EIF3B: variants seen among roughly 807,000 people sequenced by gnomAD.
EIF3B encodes eukaryotic translation initiation factor 3 subunit 9.
In EIF3B, 10 loss-of-function variants were observed where a neutral mutation model predicts 104.6. The ratio of observed to expected loss-of-function variants is 0.10; its 90% CI spans 0.06 to 0.16. The LOEUF (loss-of-function observed/expected upper bound fraction) is 0.16, where lower values mean the gene tolerates loss of function less well. Ranked by LOEUF, EIF3B falls within the 10% of genes least tolerant of loss-of-function variation. The pLI is 1.00. For missense variants in EIF3B, 1,014 were observed against 1,087.9 expected (o/e 0.93, Z 0.96); for synonymous variants, 542 against 417.2 (o/e 1.30, Z -3.65).
In EIF3B at chr7:2,355,298, A is replaced by C. The variant is rs918339689; in HGVS notation, c.377A>C (p.Glu126Ala). 1.9e-6 allele frequency: 3 copies of C among 1,538,686 alleles called. No individual in the cohort carries two copies. Among genetic ancestry groups the C allele is most frequent in the Non-Finnish European group, 2.6e-6 (3 of 1,149,718 alleles). The change falls in exon 1 of 19, where the codon GAG becomes GCG. Residue 126 changes from glutamate (E) to alanine (A), a missense_variant. Physicochemically the swap from Glu to Ala is moderately radical, Grantham distance 107. Coordinates refer to ENST00000360876, the MANE Select transcript of EIF3B (RefSeq NM_001037283.2). Reference protein sequence around the residue: ...RSDSRAQAVSEDAGGNEGRAA... With the variant: ...RSDSRAQAVSADAGGNEGRAA... ...GACAGCCGGGCCCAGGCGGTGTCCG[A>C]GGACGCGGGAGGAAACGAGGGCAGA...
chr7:2,375,851 A>C, intron 14 of EIF3B: 1 of 300,784 alleles, frequency 3.3e-6, no homozygotes, highest in East Asian at 5.9e-5. Flanking sequence ...ATAACCGCAG[A>C]CATTAAGATC....
chr7:2,378,989 A>C, intron 16 of EIF3B, 145 bp from the exon 17 acceptor site: 1 of 783,898 alleles, frequency 1.3e-6, no homozygotes, highest in South Asian at 1.8e-5. Context: ...GCGTTGGGGG[A>C]AAAGTGAGAA....
At chr7:2,366,028 A>T (rs374005701) in intron 6 of EIF3B, among the ~76,000 whole-genome samples, 2 of 152,132 alleles carry the variant, frequency 1.3e-5, no homozygotes, top group Non-Finnish European at 2.9e-5. Context: ...ATGGGTAAAG[A>T]TAGAGTTCCA....
chr7:2,360,751 G>A lies in EIF3B; in HGVS notation c.541G>A (p.Asp181Asn), dbSNP rs1179766787. 5.6e-6 allele frequency: 9 copies of A among 1,600,266 alleles called. No individual in the cohort carries two copies. Among genetic ancestry groups the A allele is most frequent in the Non-Finnish European group, 7.7e-6 (9 of 1,168,378 alleles). Residue 181 changes from aspartate (D) to asparagine (N), a missense_variant, in exon 2 of 19, where the codon GAT becomes AAT. Physicochemically the swap from Asp to Asn is conservative, Grantham distance 23. This residue lies in a region of EIF3B where 488 missense variants were observed against 404.3 expected (regional missense o/e 1.21). Coordinates refer to ENST00000360876, the MANE Select transcript of EIF3B (RefSeq NM_001037283.2). Reference protein sequence around the residue: ...DVLKDRPQEADGIDSVIVVDN... With the variant: ...DVLKDRPQEANGIDSVIVVDN... ...ACTCAAAGATCGGCCCCAGGAAGCA[G>A]ATGGAATCGATTCGGTGATTGTAGT...
intron 10 of EIF3B, among the ~76,000 whole-genome samples, chr7:2,370,007 C>T (rs1408681667): frequency 6.6e-6 from 1 of 151,988 alleles, no homozygotes; most frequent in East Asian, 1.9e-4. Context: ...GAACTCCTGA[C>T]CTTAGGTGAT....
intron 16 of EIF3B, 82 bp downstream of exon 16, chr7:2,378,848 A>G (rs1298239191): frequency 7.2e-6 from 9 of 1,256,578 alleles, no homozygotes; most frequent in Non-Finnish European, 1.1e-6. Context: ...GCTGCTGTGT[A>G]TGTGCTCAGA....
At chr7:2,378,592 T>A in intron 15 of EIF3B, 97 bp from the exon 16 acceptor site, 1 of 1,052,428 alleles carries the variant, frequency 9.5e-7, no homozygotes, top group Non-Finnish European at 1.4e-6. Context: ...GTTCTGTGAA[T>A]GGCTTTGGGT....
At position 2,360,876 on chromosome 7, in the gene EIF3B, T is replaced by C; in HGVS notation, c.666T>C (p.Tyr222=). ...SKFGKITNDF[Y]PEEDGKTKGY... is the part of the protein sequence containing the mutation. ...TTGGGAAAATCACAAATGATTTTTA[T>C]CCTGAAGAGGATGGGAAGACAAAAG... The change falls in exon 2 of 19, where the codon TAT becomes TAC. Residue 222 remains tyrosine, a synonymous_variant. Transcript: ENST00000360876. 2 of 1,613,386 alleles carry C rather than the reference T, an allele frequency of 1.2e-6. No individual in the cohort carries two copies. The highest frequency in any genetic ancestry group is 1.7e-6 in the Non-Finnish European group (2 of 1,179,382).
At position 2,355,046 on chromosome 7, in the gene EIF3B, C is replaced by A; in HGVS notation, c.125C>A (p.Ala42Asp). The A allele has an allele frequency of 8.3e-7, 1 of 1,212,008 alleles. No individual in the cohort carries two copies. Among genetic ancestry groups the A allele is most frequent in the Admixed American group, 4.4e-5 (1 of 22,748 alleles). The allele number at this position is 1,212,008 out of a possible 1,614,324, so 75.1% of individuals were successfully genotyped here. A position where few individuals can be genotyped will look rare whatever the true frequency, so the allele number is the denominator to read the frequency against. Residue 42 changes from alanine (A) to aspartate (D), a missense_variant, in exon 1 of 19, where the codon GCT (alanine) becomes GAT (aspartate). Coordinates refer to ENST00000360876, the MANE Select transcript of EIF3B (RefSeq NM_001037283.2). Reference protein sequence around the residue: ...EGLLRPAGPGAPEAAGTEASS... With the variant: ...EGLLRPAGPGDPEAAGTEASS... ...CTGCTGCGGCCCGCGGGGCCCGGCG[C>A]TCCGGAGGCCGCGGGGACCGAGGCC...
At position 2,378,784 on chromosome 7, in the gene EIF3B, A is replaced by C. The variant is rs1014435769; in HGVS notation, c.2232+18A>C. 5 of 1,607,802 alleles carry C rather than the reference A, an allele frequency of 3.1e-6. No homozygotes were observed. Among genetic ancestry groups the C allele is most frequent in the Middle Eastern group, 1.7e-4 (1 of 6,056 alleles). ...CCTCAAAGGTGAGCCTCATTCCCAA[A>C]ATGAGGGCTGTGCTGTGACATCCGC... On this transcript the variant is annotated intron_variant, in intron 16 of 18. Coordinates refer to ENST00000360876, the MANE Select transcript of EIF3B (RefSeq NM_001037283.2).
At chr7:2,377,413 A>G (rs1187844127) in intron 15 of EIF3B, among the ~76,000 whole-genome samples, 1 of 152,262 alleles carries the variant, frequency 6.6e-6, no homozygotes, top group Non-Finnish European at 1.5e-5. Context: ...GTCTTAGGTC[A>G]GAGCAAAGAG....
intron 1 of EIF3B, among the ~76,000 whole-genome samples, chr7:2,356,109 T>C (rs1309864027): frequency 6.6e-6 from 1 of 152,332 alleles, no homozygotes; most frequent in African/African-American, 2.4e-5. Context: ...TGAAGCTACT[T>C]CTGATGAGAG....
Position 2,380,292 on chromosome 7 carries a change from G to A in EIF3B, c.*103G>A, listed in dbSNP as rs770050773. ...CCTCTGTTGCAGCGCAGCCGTGTGT[G>A]CTGTGGAGCCGAGGCCGTCCTGCAG... On this transcript the variant is annotated 3_prime_UTR_variant, in exon 19 of 19. Transcript: ENST00000360876. 2 of 513,888 alleles carry A rather than the reference G, an allele frequency of 3.9e-6. No homozygotes were observed. The highest frequency in any genetic ancestry group is 2.8e-5 in the South Asian group (2 of 70,678). 31.8% of individuals were successfully genotyped at this position (513,888 alleles called of 1,614,324 possible).
In EIF3B at chr7:2,380,198, A is replaced by G. The variant is rs933660526; in HGVS notation, c.*15-6A>G. 5.6e-6 allele frequency: 2 copies of G among 354,384 alleles called. No homozygotes were observed. The highest frequency in any genetic ancestry group is 2.1e-5 in the African/African-American group (1 of 46,534). 22.0% of individuals were successfully genotyped at this position (354,384 alleles called of 1,614,324 possible). A position where few individuals can be genotyped will look rare whatever the true frequency, so the allele number is the denominator to read the frequency against. On this transcript the variant is annotated splice_polypyrimidine_tract_variant and splice_region_variant and intron_variant, in intron 18 of 18. Transcript: ENST00000360876. The stretch of plus-strand genomic sequence containing the variant: ...CCGTTTAGGGCCGCCATGCCTGTCT[A>G]TCCAGGGGACGGACTCCGCCTGCTG...
intron 1 of EIF3B, among the ~76,000 whole-genome samples, chr7:2,358,112 T>C (rs78054193): frequency 6.6e-6 from 1 of 152,192 alleles, no homozygotes; most frequent in Non-Finnish European, 1.5e-5. Context: ...TTTTTTTTTT[T>C]GAGACAGAGT....
In EIF3B at chr7:2,355,405, G is replaced by A. The variant is rs1350032706; in HGVS notation, c.484G>A (p.Asp162Asn). Residue 162 changes from aspartate (D) to asparagine (N), a missense_variant, in exon 1 of 19, where the codon GAC becomes AAC. Physicochemically the swap from Asp to Asn is conservative, Grantham distance 23. This residue lies in a region of EIF3B where 488 missense variants were observed against 404.3 expected (regional missense o/e 1.21). Coordinates refer to ENST00000360876, the MANE Select transcript of EIF3B (RefSeq NM_001037283.2). ...CAGCGACCCCGAGGACTTCGTGGAC[G>A]ACGTGAGCGAGGAAGGTGAGGGCGC... ...SFSDPEDFVD[D>N]VSEEELLGDV... The A allele has an allele frequency of 2.9e-5, 43 of 1,475,656 alleles. No homozygotes were observed. The highest frequency in any genetic ancestry group is 5.8e-5 in the African/African-American group (4 of 69,388). The allele number at this position is 1,475,656 out of a possible 1,614,324, so 91.4% of individuals were successfully genotyped here.
chr7:2,368,546 A>G (rs919087945), intron 9 of EIF3B, among the ~76,000 whole-genome samples: 1 of 152,248 alleles, frequency 6.6e-6, no homozygotes, highest in Admixed American at 6.5e-5. Flanking sequence ...GCACCACTTC[A>G]GTGACCCCTT....
chr7:2,355,615 T>C (rs1336135860), intron 1 of EIF3B, among the ~76,000 whole-genome samples, 195 bp downstream of exon 1: 1 of 151,724 alleles, frequency 6.6e-6, no homozygotes, highest in Non-Finnish European at 1.5e-5. Flanking sequence ...CGCCTCCCCT[T>C]TTCTTTCCTG....
At position 2,366,831 on chromosome 7, in the gene EIF3B, G is replaced by A. The variant is rs1015555732; in HGVS notation, c.1357-168G>A. On this transcript the variant is annotated intron_variant, in intron 8 of 18. Transcript: ENST00000360876. ...AGTTAATGCAGTGGGCTTCAGAACT[G>A]CAGTTCTGGGTGGCGGGTGGGTGGA... 6 of 830,780 alleles carry A rather than the reference G, an allele frequency of 7.2e-6. No individual in the cohort carries two copies. In the African/African-American group the frequency reaches 1.0e-4, roughly 14 times the overall value. The allele number at this position is 830,780 out of a possible 1,614,324, so 51.5% of individuals were successfully genotyped here. A position where few individuals can be genotyped will look rare whatever the true frequency, so the allele number is the denominator to read the frequency against.
Sources: gnomAD v4.1 joint callset for allele counts (sites outside exome capture counted in the v4.1 genomes callset) on GRCh38, gnomAD v4.1.1 for gene constraint, gnomAD v4.1.1 regional missense constraint, MANE v1.5 for transcripts, NCBI Gene and HGNC (gene_info 2026-07-23, HGNC 2026-07-21) for gene names.